TANGO6: variants seen among roughly 807,000 people sequenced by gnomAD.
The protein encoded by TANGO6 is transport and Golgi organization protein 6 homolog.
In TANGO6, 90 loss-of-function variants were observed where a neutral mutation model predicts 114.2. The observed-to-expected ratio is 0.79, with a 90% CI of 0.66 to 0.94. TANGO6 has a LOEUF of 0.94. Among genes scored for constraint, TANGO6 ranks in the 40% least tolerant of loss-of-function variants. TANGO6 has a pLI of 0.00. For synonymous variants in TANGO6, 477 were observed against 509.8 expected (o/e 0.94, Z 0.87); for missense variants, 1,274 against 1,315.3 (o/e 0.97, Z 0.49).
rs771392355 is a variant in TANGO6 at position 68,880,569 on chromosome 16, T to C, written c.1316T>C (p.Val439Ala). ...NTAELSESDM[V>A]PGTILVTEEE... Reference sequence around the variant, plus strand: ...CTAGAGCTTTCAGAGAGTGACATGGTACCAGGAACTATTTTGGTGACAGAA... The same window carrying C: ...CTAGAGCTTTCAGAGAGTGACATGGCACCAGGAACTATTTTGGTGACAGAA... Residue 439 changes from valine to alanine, a missense_variant, in exon 7 of 18, where the codon GTA becomes GCA. Physicochemically the swap from Val to Ala is moderately conservative, Grantham distance 64. This residue lies in a region of TANGO6 where 908 missense variants were observed against 910.2 expected (regional missense o/e 1.00). Transcript: ENST00000261778. 6.2e-7 allele frequency: 1 copy of C among 1,612,774 alleles called. No individual in the cohort carries two copies. The highest frequency in any genetic ancestry group is 1.7e-5 in the Admixed American group (1 of 59,878).
chr16:68,857,045 T>C (rs1185746221), intron 1 of TANGO6, among the ~76,000 whole-genome samples: 1 of 151,968 alleles, frequency 6.6e-6, no homozygotes, highest in Non-Finnish European at 1.5e-5. Flanking sequence ...GGAGGCGGAG[T>C]TTGCAGTGAG....
At chr16:69,022,703 C>CAAA in intron 15 of TANGO6, 125 bp from the exon 16 acceptor site, 19 of 960,590 alleles carry the variant, frequency 2.0e-5, no homozygotes, top group Non-Finnish European at 2.3e-5. Context: ...GACCCTGTCT[C>CAAA]AAAAAAAAAA....
intron 14 of TANGO6, among the ~76,000 whole-genome samples, chr16:68,944,389 G>A (rs1382072424): frequency 6.6e-6 from 1 of 152,082 alleles, no homozygotes; most frequent in Non-Finnish European, 1.5e-5. Context: ...CAACTGAAGG[G>A]AAAAGGAAAA....
chr16:68,979,058 C>T (rs565528083), intron 15 of TANGO6, among the ~76,000 whole-genome samples: 21 of 151,332 alleles, frequency 1.4e-4, no homozygotes, highest in African/African-American at 5.1e-4. Flanking sequence ...TAGCTAGGAC[C>T]ACAGGTGTGC....
At chr16:68,946,416 G>C (rs1212041188) in intron 14 of TANGO6, among the ~76,000 whole-genome samples, 1 of 151,870 alleles carries the variant, frequency 6.6e-6, no homozygotes, top group East Asian at 1.9e-4. Context: ...GGATGGTCTT[G>C]ATCTCTTGAC....
intron 14 of TANGO6, among the ~76,000 whole-genome samples, chr16:68,966,928 T>G (rs941950102): frequency 6.6e-6 from 1 of 152,074 alleles, no homozygotes; most frequent in Non-Finnish European, 1.5e-5. Context: ...TGCACCACCA[T>G]GCCCTGCTAA....
At chr16:68,973,189 GCA>G (rs1963726644) in intron 14 of TANGO6, 3 of 455,868 alleles carry the variant, frequency 6.6e-6, no homozygotes, top group Non-Finnish European at 1.3e-5. Flanking sequence ...GAAACCCAAA[GCA>G]GAGTTGATGG....
At chr16:68,939,121 C>A (rs569849865) in intron 14 of TANGO6, among the ~76,000 whole-genome samples, 2 of 138,228 alleles carry the variant, frequency 1.4e-5, no homozygotes, top group East Asian at 4.2e-4. Context: ...ACAAAAAAAA[C>A]CTTAAAAGTT....
chr16:68,958,130 C>CA (rs1008332024), intron 14 of TANGO6, among the ~76,000 whole-genome samples: 12 of 150,612 alleles, frequency 8.0e-5, no homozygotes, highest in African/African-American at 2.9e-4. Flanking sequence ...AAGACTGCGC[C>CA]ATTGCACTCC....
intron 4 of TANGO6, among the ~76,000 whole-genome samples, chr16:68,872,864 T>C (rs1962298504): frequency 6.6e-6 from 1 of 151,148 alleles, no homozygotes; most frequent in African/African-American, 2.4e-5. Flanking sequence ...ACCCAGCTAA[T>C]ATATTTTTTT....
At chr16:69,060,872 G>T (rs1214474248) in intron 17 of TANGO6, among the ~76,000 whole-genome samples, 1 of 151,756 alleles carries the variant, frequency 6.6e-6, no homozygotes, top group Admixed American at 6.6e-5. Context: ...CACGCCTGTG[G>T]TCCCAGCTAC....
chr16:68,953,562 T>G (rs1392830633), intron 14 of TANGO6, among the ~76,000 whole-genome samples: 1 of 152,072 alleles, frequency 6.6e-6, no homozygotes, highest in African/African-American at 2.4e-5. Context: ...GTACATGGTG[T>G]TCTCTCACTA....
At chr16:69,064,776 T>A (rs1275318381) in intron 17 of TANGO6, among the ~76,000 whole-genome samples, 1 of 152,184 alleles carries the variant, frequency 6.6e-6, no homozygotes, top group African/African-American at 2.4e-5. Flanking sequence ...ATAATGTGTG[T>A]CCAGGGCTTA....
chr16:68,902,799 T>G (rs1962802492), intron 9 of TANGO6, among the ~76,000 whole-genome samples: 1 of 152,214 alleles, frequency 6.6e-6, no homozygotes, highest in African/African-American at 2.4e-5. Context: ...GGCAGACACA[T>G]GTTCACCCTT....
At position 68,860,522 on chromosome 16, in the gene TANGO6, G is replaced by C. The variant is rs370800324; in HGVS notation, c.733G>C (p.Glu245Gln). 6.2e-7 allele frequency: 1 copy of C among 1,612,582 alleles called. No homozygotes were observed. Among genetic ancestry groups the C allele is most frequent in the East Asian group, 2.2e-5 (1 of 44,862 alleles). ...AAGAAAACTGCTAACACCTGCAGAA[G>C]AGGTAAATATACATTGAGAAAGAGA... ...TKRKLLTPAE[E>Q]VLTEEERTLS... The change falls in exon 2 of 18, where the codon GAG becomes CAG. Residue 245 changes from glutamate (E) to glutamine (Q), a missense_variant and splice_region_variant. Around this residue, in one of 5 missense-constraint regions of TANGO6, gnomAD observed 908 missense variants for 910.2 expected, o/e 1.00. Transcript: ENST00000261778.
intron 15 of TANGO6, among the ~76,000 whole-genome samples, 180 bp downstream of exon 15, chr16:68,974,348 A>G (rs2152213068): frequency 6.6e-6 from 1 of 152,266 alleles, no homozygotes; most frequent in South Asian, 2.1e-4. Flanking sequence ...TGAAAGCAAC[A>G]ATGTCCTTTT....
intron 7 of TANGO6, among the ~76,000 whole-genome samples, chr16:68,894,323 A>C (rs112565945): frequency 2.6e-5 from 4 of 152,310 alleles, no homozygotes; most frequent in African/African-American, 9.6e-5. Context: ...GTTGGATATC[A>C]GGTGCAGACT....
At chr16:68,905,119 A>G (rs1342639201) in intron 9 of TANGO6, among the ~76,000 whole-genome samples, 2 of 152,102 alleles carry the variant, frequency 1.3e-5, no homozygotes, top group Non-Finnish European at 2.9e-5. Flanking sequence ...ATTCCCAGCT[A>G]CTTGGGAGGC....
intron 15 of TANGO6, among the ~76,000 whole-genome samples, chr16:68,982,722 T>C (rs1489753106): frequency 1.4e-5 from 2 of 139,740 alleles, no homozygotes; most frequent in African/African-American, 2.6e-5. Context: ...TCCTCCCACC[T>C]CGGCCTCCCA....
Sources: allele counts gnomAD v4.1 joint callset (sites outside exome capture counted in the v4.1 genomes callset), GRCh38; gene constraint gnomAD v4.1.1; regional missense constraint gnomAD v4.1.1; transcripts MANE v1.5; gene names NCBI Gene and HGNC (gene_info 2026-07-23, HGNC 2026-07-21).